GNS: variants seen among roughly 807,000 people sequenced by gnomAD.
GNS encodes glucosamine (N-acetyl)-6-sulfatase.
In GNS, 40 loss-of-function variants were observed where a neutral mutation model predicts 69.7. That is an observed-to-expected ratio of 0.57 (90% confidence interval 0.45 to 0.75). The LOEUF (loss-of-function observed/expected upper bound fraction) is 0.75. GNS is among the 30% of genes least tolerant of loss of function. The probability of loss-of-function intolerance (pLI) is 0.00; values close to 1 mark genes in which losing one functional copy is unlikely to be tolerated. For missense variants in GNS, 565 were observed against 685.5 expected, an observed-to-expected ratio of 0.82 and a Z score of 1.96; for synonymous variants, 243 against 251.6, an observed-to-expected ratio of 0.97 and a Z score of 0.32.
At chr12:64,717,844 T>C (rs1173522649) in intron 13 of GNS, among the ~76,000 whole-genome samples, 1 of 152,198 alleles carries the variant, frequency 6.6e-6, no homozygotes, top group African/African-American at 2.4e-5. Flanking sequence ...TGATGGCAAC[T>C]GGGCCTGGCA....
In GNS at chr12:64,749,316, G is replaced by A. The variant is rs572914747; in HGVS notation, c.253-1398C>T. Among the ~76,000 whole-genome samples, 24 of 135,164 alleles carry A rather than the reference G, an allele frequency of 1.8e-4. No homozygotes were observed. In the South Asian group the frequency reaches 4.1e-3, roughly 23 times the overall value. 88.7% of individuals were successfully genotyped at this position (135,164 alleles called of 152,430 possible). ...TGCCCAGGCTGGAGTGCAGTGGCGC[G>A]ATCTCAGCTCACTGCAAGCTCCGCC... On this transcript the variant is annotated intron_variant, in intron 2 of 13. Transcript: ENST00000258145.
At position 64,729,013 on chromosome 12, in the gene GNS, A is replaced by T. The variant is rs778451711; in HGVS notation, c.1143T>A (p.Ile381=). The change falls in exon 10 of 14, where the codon ATT becomes ATA. Residue 381 remains isoleucine, a synonymous_variant. Coordinates refer to ENST00000258145, the MANE Select transcript of GNS (RefSeq NM_002076.4). The stretch of plus-strand genomic sequence containing the variant: ...GTGTCTTATTTAGGTCGTAGCCAGC[A>T]ATGTCCAAAATAGTAGGACCCAAGT... ...NIDLGPTILD[I]AGYDLNKTQM... 1.2e-6 allele frequency: 2 copies of T among 1,603,812 alleles called. No homozygotes were observed. Among genetic ancestry groups the T allele is most frequent in the Admixed American group, 3.3e-5 (2 of 60,016 alleles).
Position 64,720,174 on chromosome 12 carries a change from T to G in GNS, c.1428A>C (p.Val476=), listed in dbSNP as rs1326550869. The G allele has an allele frequency of 6.3e-7, 1 of 1,593,096 alleles. No homozygotes were observed. The highest frequency in any genetic ancestry group is 8.6e-7 in the Non-Finnish European group (1 of 1,161,382). The change falls in exon 13 of 14, where the codon GTA becomes GTC. Residue 476 remains valine (V), a synonymous_variant. Transcript: ENST00000258145. ...GGTCTGCAGTCAGATTATAGACTTCTACAAACACCTAGAGGACATGAAAGA... is the reference window on the plus strand; with the variant it reads ...GGTCTGCAGTCAGATTATAGACTTCGACAAACACCTAGAGGACATGAAAGA... The part of the protein sequence containing the change: ...YCEFDDQEVF[V]EVYNLTADPD...
Position 64,739,457 on chromosome 12 carries a change from C to T in GNS, c.918G>A (p.Leu306=). ...CCCCAGTGAACTCCAGCCTCTTGACCAGTTTCTCCACAAGGTCATCAACTG... is the reference window on the plus strand; with the variant it reads ...CCCCAGTGAACTCCAGCCTCTTGACTAGTTTCTCCACAAGGTCATCAACTG... ...LLSVDDLVEK[L]VKRLEFTGEL... The change falls in exon 8 of 14, where the codon CTG becomes CTA. Residue 306 remains leucine (L), a synonymous_variant. Transcript: ENST00000258145. 6.2e-7 allele frequency: 1 copy of T among 1,609,232 alleles called. No homozygotes were observed. Among genetic ancestry groups the T allele is most frequent in the Non-Finnish European group, 8.5e-7 (1 of 1,176,224 alleles).
Position 64,716,730 on chromosome 12 carries a change from G to A in GNS, c.*11C>T, listed in dbSNP as rs369482033. ...GTGCAGGGATCCATCTGCAGAGGCT[G>A]TGTGAGGTCGCTACAGAAGATGTTT... On this transcript the variant is annotated 3_prime_UTR_variant, in exon 14 of 14. Transcript: ENST00000258145. 1.3e-6 allele frequency: 2 copies of A among 1,556,776 alleles called. No homozygotes were observed. The highest frequency in any genetic ancestry group is 2.2e-5 in the East Asian group (1 of 44,640).
intron 6 of GNS, among the ~76,000 whole-genome samples, chr12:64,742,722 G>A (rs946294487): frequency 1.3e-5 from 2 of 152,168 alleles, no homozygotes; most frequent in Admixed American, 6.5e-5. Flanking sequence ...ATGTCACCTC[G>A]TTCATTTTTC....
At chr12:64,744,602 A>G (rs1241614580) in intron 5 of GNS, among the ~76,000 whole-genome samples, 1 of 152,224 alleles carries the variant, frequency 6.6e-6, no homozygotes, top group Non-Finnish European at 1.5e-5. Context: ...TTTCAAGAGC[A>G]TTAGATCTGA....
intron 1 of GNS, among the ~76,000 whole-genome samples, chr12:64,753,886 C>G (rs547286741): frequency 6.6e-6 from 1 of 152,186 alleles, no homozygotes; most frequent in Non-Finnish European, 1.5e-5. Flanking sequence ...CAGCCATACT[C>G]TCCTCAAAGC....
intron 10 of GNS, among the ~76,000 whole-genome samples, chr12:64,725,779 G>A (rs1869175968): frequency 6.6e-6 from 1 of 151,880 alleles, no homozygotes; most frequent in East Asian, 1.9e-4. Context: ...GGGGGATCAC[G>A]AGGTCGGGAG....
intron 1 of GNS, among the ~76,000 whole-genome samples, chr12:64,754,017 G>C (rs1870164641): frequency 6.6e-6 from 1 of 152,246 alleles, no homozygotes; most frequent in African/African-American, 2.4e-5. Context: ...AGTAAGTGGA[G>C]AAAAGGACCA....
intron 1 of GNS, among the ~76,000 whole-genome samples, chr12:64,754,385 C>A (rs752454241): frequency 6.6e-6 from 1 of 152,052 alleles, no homozygotes; most frequent in South Asian, 2.1e-4. Context: ...GAGAGCCATG[C>A]GATGAGGAGT....
rs113381844 is a variant in GNS at position 64,716,740 on chromosome 12, G to A, written c.*1C>T. 9.4e-6 allele frequency: 15 copies of A among 1,591,530 alleles called. No individual in the cohort carries two copies. Among genetic ancestry groups the A allele is most frequent in the African/African-American group, 5.4e-5 (4 of 74,520 alleles). ...CCATCTGCAGAGGCTGTGTGAGGTC[G>A]CTACAGAAGATGTTTGGAAAATCTT... On this transcript the variant is annotated 3_prime_UTR_variant, in exon 14 of 14. Coordinates refer to ENST00000258145, the MANE Select transcript of GNS (RefSeq NM_002076.4).
At chr12:64,719,260 C>T (rs149808073) in intron 13 of GNS, among the ~76,000 whole-genome samples, 5 of 152,268 alleles carry the variant, frequency 3.3e-5, no homozygotes, top group Non-Finnish European at 5.9e-5. Context: ...GATAACTTTC[C>T]ATCAACTTAG....
Position 64,722,987 on chromosome 12 carries a change from G to A in GNS, c.1308+19C>T. On this transcript the variant is annotated intron_variant, in intron 11 of 13. Transcript: ENST00000258145. ...TGTCAGTGAGAAAGCTGTCTAAGTTGATTCAAGCTATTACTCACAGATACG... is the reference window on the plus strand; with the variant it reads ...TGTCAGTGAGAAAGCTGTCTAAGTTAATTCAAGCTATTACTCACAGATACG... 1 of 1,408,188 alleles carries A rather than the reference G, an allele frequency of 7.1e-7. No individual in the cohort carries two copies. The highest frequency in any genetic ancestry group is 1.0e-6 in the Non-Finnish European group (1 of 991,712). The allele number at this position is 1,408,188 out of a possible 1,614,324, so 87.2% of individuals were successfully genotyped here. A position where few individuals can be genotyped will look rare whatever the true frequency, so the allele number is the denominator to read the frequency against.
intron 1 of GNS, among the ~76,000 whole-genome samples, chr12:64,757,147 C>G (rs919612087): frequency 6.6e-6 from 1 of 152,164 alleles, no homozygotes; most frequent in African/African-American, 2.4e-5. Flanking sequence ...CCACTGCACT[C>G]CAGCCTGGAT....
At chr12:64,739,638 TA>T (rs397971241) in intron 7 of GNS, 139 bp from the exon 8 acceptor site, 19,859 of 401,466 alleles carry the variant, frequency 0.049, 6 homozygotes, top group South Asian at 0.062. Flanking sequence ...AACCCCCGTT[TA>T]AAAAAAAAAA....
At chr12:64,731,107 C>T (rs1869376832) in intron 9 of GNS, among the ~76,000 whole-genome samples, 1 of 152,146 alleles carries the variant, frequency 6.6e-6, no homozygotes, top group Admixed American at 6.5e-5. Context: ...GACAGGGTCT[C>T]ATTTTGTCAC....
chr12:64,739,341 A>C (rs1236850259), intron 8 of GNS, 40 bp downstream of exon 8: 1 of 974,684 alleles, frequency 1.0e-6, no homozygotes, highest in Admixed American at 1.7e-5. Context: ...GGAAAGACAT[A>C]TTCTCAAAGA....
chr12:64,746,067 T>G (rs980118397), intron 3 of GNS: 32 of 367,056 alleles, frequency 8.7e-5, no homozygotes, highest in African/African-American at 6.7e-4. Context: ...GATAAAGAGT[T>G]TTATTGGAAC....
Sources: allele counts gnomAD v4.1 joint callset (sites outside exome capture counted in the v4.1 genomes callset), GRCh38; gene constraint gnomAD v4.1.1; transcripts MANE v1.5; gene names NCBI Gene and HGNC (gene_info 2026-07-23, HGNC 2026-07-21).